Variants in FRAS1 observed in about 807,000 individuals in gnomAD.
FRAS1 encodes the protein Fraser extracellular matrix complex subunit 1, also known as extracellular matrix organizing protein FRAS1.
In FRAS1, 290 loss-of-function variants were observed where a neutral mutation model predicts 435.2. The observed-to-expected ratio is 0.67, with a 90% CI of 0.61 to 0.73. The LOEUF (loss-of-function observed/expected upper bound fraction) is 0.73. Among genes scored for constraint, FRAS1 ranks in the 30% least tolerant of loss-of-function variants. FRAS1 has a pLI of 0.00. For synonymous variants in FRAS1, 1,800 were observed against 1,851.0 expected (o/e 0.97, Z 0.71); for missense variants, 4,860 against 5,001.5 (o/e 0.97, Z 0.85).
At chr4:78,072,986 C>G (rs970086025) in intron 2 of FRAS1, among the ~76,000 whole-genome samples, 21 of 152,018 alleles carry the variant, frequency 1.4e-4, no homozygotes, top group African/African-American at 5.1e-4. Flanking sequence ...CTGTGTGTTT[C>G]CGCCTAAGGA....
In FRAS1 at chr4:78,488,987, C is replaced by T; in HGVS notation, c.8865C>T (p.Cys2955=). ...GDLSYESSVR[C]YTQSHSAQVM... ...TGAGCTATGAGTCATCAGTGAGGTG[C>T]TATACTCAGAGCCATTCCGCTCAGG... Residue 2955 remains cysteine, a synonymous_variant, in exon 59 of 74, where the codon TGC becomes TGT. Coordinates refer to ENST00000512123, the MANE Select transcript of FRAS1 (RefSeq NM_025074.7). The T allele has an allele frequency of 1.2e-6, 2 of 1,613,694 alleles. No homozygotes were observed. The highest frequency in any genetic ancestry group is 1.7e-6 in the Non-Finnish European group (2 of 1,179,740).
At chr4:78,356,354 C>T (rs1010358320) in intron 20 of FRAS1, among the ~76,000 whole-genome samples, 3 of 152,144 alleles carry the variant, frequency 2.0e-5, no homozygotes, top group African/African-American at 7.2e-5. Context: ...CTTTTCCCCC[C>T]TCTAACAACT....
At position 78,481,854 on chromosome 4, in the gene FRAS1, G is replaced by A. The variant is rs369335635; in HGVS notation, c.8494G>A (p.Ala2832Thr). The A allele has an allele frequency of 2.2e-5, 36 of 1,613,784 alleles. 1 individual carries two copies. The highest frequency in any genetic ancestry group is 5.5e-5 in the South Asian group (5 of 91,062). ...IRHGTDLSTF[A>T]SVWCATRPSD... is the part of the protein sequence containing the mutation. ...CCATGGTACTGACCTCTCTACTTTC[G>A]CATCTGTCTGGTGTGCAACGCGGCC... The change falls in exon 57 of 74, where the codon GCA (alanine) becomes ACA (threonine). Residue 2832 changes from alanine to threonine, a missense_variant. Ala to Thr is a moderately conservative substitution (Grantham distance 58). Transcript: ENST00000512123.
At chr4:78,482,232 C>T (rs912910130) in intron 57 of FRAS1, among the ~76,000 whole-genome samples, 156 bp from the exon 58 acceptor site, 1 of 152,096 alleles carries the variant, frequency 6.6e-6, no homozygotes. Flanking sequence ...AAACAAACTC[C>T]GAGTGGCATG....
chr4:78,064,176 A>G (rs1352520114), intron 1 of FRAS1, among the ~76,000 whole-genome samples: 1 of 151,230 alleles, frequency 6.6e-6, no homozygotes, highest in African/African-American at 2.4e-5. Flanking sequence ...ATCTCAAGTT[A>G]TTCTTATTAG....
At chr4:78,360,065 A>T (rs1731017852) in intron 20 of FRAS1, among the ~76,000 whole-genome samples, 1 of 152,170 alleles carries the variant, frequency 6.6e-6, no homozygotes, top group Non-Finnish European at 1.5e-5. Flanking sequence ...GATTAGGAGG[A>T]TAGAAAAAGT....
chr4:78,462,307 G>A (rs1719394308), intron 47 of FRAS1, among the ~76,000 whole-genome samples: 1 of 152,024 alleles, frequency 6.6e-6, no homozygotes, highest in Admixed American at 6.6e-5. Flanking sequence ...CCTGGGAGGT[G>A]AAGGTTGCAG....
intron 2 of FRAS1, among the ~76,000 whole-genome samples, chr4:78,082,689 A>C (rs1740949582): frequency 6.6e-6 from 1 of 152,128 alleles, no homozygotes; most frequent in Non-Finnish European, 1.5e-5. Flanking sequence ...CATAATAAGT[A>C]GATAGGAAAG....
intron 61 of FRAS1, 87 bp downstream of exon 61, chr4:78,500,008 T>A: frequency 8.9e-7 from 1 of 1,117,946 alleles, no homozygotes; most frequent in Non-Finnish European, 1.2e-6. Context: ...AACAGATAAA[T>A]GAAAAAGGAA....
At chr4:78,417,584 C>T (rs1290628764) in intron 32 of FRAS1, among the ~76,000 whole-genome samples, 1 of 152,158 alleles carries the variant, frequency 6.6e-6, no homozygotes, top group East Asian at 1.9e-4. Context: ...ATTTTCCTTG[C>T]TCATTACATT....
At position 78,258,797 on chromosome 4, in the gene FRAS1, C is replaced by T. The variant is rs868643123; in HGVS notation, c.603+3422C>T. Among the ~76,000 whole-genome samples the T allele has an allele frequency of 6.3e-5, 9 of 143,780 alleles. No individual in the cohort carries two copies. In the South Asian group the frequency reaches 9.1e-4, roughly 15 times the overall value. 94.3% of individuals were successfully genotyped at this position (143,780 alleles called of 152,430 possible). Reference sequence around the variant, plus strand: ...TGTATACATGTGCCATGCTGGTGCGCTGCACCCACTAACTCGTCATCTAGC... The same window carrying T: ...TGTATACATGTGCCATGCTGGTGCGTTGCACCCACTAACTCGTCATCTAGC... On this transcript the variant is annotated intron_variant, in intron 6 of 73. Transcript: ENST00000512123.
At chr4:78,285,794 T>G (rs1727560962) in intron 13 of FRAS1, among the ~76,000 whole-genome samples, 1 of 152,148 alleles carries the variant, frequency 6.6e-6, no homozygotes, top group South Asian at 2.1e-4. Flanking sequence ...AGGGTGGTTA[T>G]AAGGATCAAG....
rs1370218728 is a variant in FRAS1 at position 78,540,759 on chromosome 4, G to A, written c.11674G>A (p.Glu3892Lys). The A allele has an allele frequency of 6.2e-7, 1 of 1,613,780 alleles. No homozygotes were observed. The highest frequency in any genetic ancestry group is 1.3e-5 in the African/African-American group (1 of 74,924). ...GAAGTCCCTGAATCTGGAGATGCAA[G>A]AGTTGGCGGTAGCTGCGTCCCTGTC... ...NMKSLNLEMQ[E>K]LAVAASLSQT... is the part of the protein sequence containing the mutation. Residue 3892 changes from glutamate to lysine, a missense_variant, in exon 74 of 74, where the codon GAG becomes AAG. Coordinates refer to ENST00000512123, the MANE Select transcript of FRAS1 (RefSeq NM_025074.7).
intron 2 of FRAS1, chr4:78,181,296 G>C: frequency 6.2e-7 from 1 of 1,604,866 alleles, no homozygotes; most frequent in African/African-American, 1.3e-5. Context: ...TCTGCCACTG[G>C]ATGATGTTCT....
At chr4:78,432,630 G>A in intron 38 of FRAS1, 26 bp downstream of exon 38, 1 of 1,535,780 alleles carries the variant, frequency 6.5e-7, no homozygotes. Flanking sequence ...TGCTGTGTTT[G>A]TTCTCCACCG....
intron 32 of FRAS1, among the ~76,000 whole-genome samples, chr4:78,414,616 GT>G (rs1398108576): frequency 3.9e-5 from 6 of 152,152 alleles, no homozygotes; most frequent in Non-Finnish European, 8.8e-5. Flanking sequence ...AATAACATAA[GT>G]TTTGCAGATA....
At chr4:78,342,353 A>G (rs1730426615) in intron 20 of FRAS1, among the ~76,000 whole-genome samples, 1 of 152,230 alleles carries the variant, frequency 6.6e-6, no homozygotes, top group African/African-American at 2.4e-5. Context: ...TGTGTCTCAC[A>G]TATGGAGATG....
At chr4:78,433,747 G>A (rs1220835683) in intron 38 of FRAS1, among the ~76,000 whole-genome samples, 2 of 152,134 alleles carry the variant, frequency 1.3e-5, no homozygotes, top group Admixed American at 6.5e-5. Context: ...TGAAACTCGT[G>A]AATTCATAAA....
intron 2 of FRAS1, among the ~76,000 whole-genome samples, chr4:78,225,015 T>C (rs571552872): frequency 6.6e-6 from 1 of 152,268 alleles, no homozygotes; most frequent in East Asian, 1.9e-4. Flanking sequence ...CATGATAAAT[T>C]GCTTTACAAA....
Sources: allele counts gnomAD v4.1 joint callset (sites outside exome capture counted in the v4.1 genomes callset), GRCh38; gene constraint gnomAD v4.1.1; transcripts MANE v1.5; gene names NCBI Gene and HGNC (gene_info 2026-07-23, HGNC 2026-07-21).